The following MYO15A variants were observed in gnomAD, a reference collection of about 807,000 sequenced individuals.
The protein encoded by MYO15A is myosin XVA.
MYO15A carries 308 observed loss-of-function variants against 394.6 expected under a neutral mutation model. The ratio of observed to expected loss-of-function variants is 0.78; its 90% CI spans 0.71 to 0.86. The LOEUF is 0.86. Ranked by LOEUF, MYO15A falls within the 40% of genes least tolerant of loss-of-function variation. The probability of loss-of-function intolerance (pLI) is 0.00; values close to 1 mark genes in which losing one functional copy is unlikely to be tolerated. For missense variants in MYO15A, 4,606 were observed against 4,799.1 expected, an observed-to-expected ratio of 0.96 and a Z score of 1.19; for synonymous variants, 1,957 against 2,003.8, an observed-to-expected ratio of 0.98 and a Z score of 0.62.
rs1423132356 is a variant in MYO15A at position 18,158,509 on chromosome 17, C to T, written c.8968-14C>T. On this transcript the variant is annotated splice_polypyrimidine_tract_variant and intron_variant, in intron 51 of 65. Coordinates refer to ENST00000647165, the MANE Select transcript of MYO15A (RefSeq NM_016239.4). The stretch of plus-strand genomic sequence containing the variant: ...TGGCCGGACTGGGCCTTCCTAGCTC[C>T]GCCTCTTCTGCAGGGTCCCCCAGTC... The T allele has an allele frequency of 1.9e-6, 3 of 1,612,718 alleles. No individual in the cohort carries two copies. The highest frequency in any genetic ancestry group is 1.7e-4 in the Middle Eastern group (1 of 6,060).
At chr17:18,171,888 C>A in intron 63 of MYO15A, 117 bp downstream of exon 63, 1 of 1,455,648 alleles carries the variant, frequency 6.9e-7, no homozygotes, top group South Asian at 1.3e-5. Flanking sequence ...CAGTGCCAGT[C>A]AAGCTGAGCA....
In MYO15A at chr17:18,121,468, C is replaced by T. The variant is rs770024283; in HGVS notation, c.2668C>T (p.Pro890Ser). ...GGCTGTGAAGCCGCAAGTGCGCCTG[C>T]CCTTCCACCGACCGCCCAGGGCCGG... is the stretch of plus-strand genomic sequence containing the variant. Reference protein sequence around the residue: ...TRAVKPQVRLPFHRPPRAGAW... With the variant: ...TRAVKPQVRLSFHRPPRAGAW... Residue 890 changes from proline to serine, a missense_variant, in exon 2 of 66, where the codon CCC becomes TCC. Coordinates refer to ENST00000647165, the MANE Select transcript of MYO15A (RefSeq NM_016239.4). The surrounding 1 kb of genome is among the most constrained non-coding windows in gnomAD (Gnocchi z 5.3). 28 of 1,549,956 alleles carry T rather than the reference C, an allele frequency of 1.8e-5. No individual in the cohort carries two copies. The highest frequency in any genetic ancestry group is 2.7e-5 in the African/African-American group (2 of 73,182).
rs1291532900 is a variant in MYO15A at position 18,121,492 on chromosome 17, G to A, written c.2692G>A (p.Gly898Arg). 2 of 1,551,748 alleles carry A rather than the reference G, an allele frequency of 1.3e-6. No homozygotes were observed. Among genetic ancestry groups the A allele is most frequent in the Non-Finnish European group, 1.7e-6 (2 of 1,148,028 alleles). ...RLPFHRPPRA[G>R]AWRAPLEHRE... ...GCCCTTCCACCGACCGCCCAGGGCC[G>A]GGGCCTGGCGGGCGCCCCTGGAACA... is the stretch of plus-strand genomic sequence containing the variant. The change falls in exon 2 of 66, where the codon GGG becomes AGG. Residue 898 changes from glycine to arginine, a missense_variant. Transcript: ENST00000647165. The surrounding 1 kb of genome is among the most constrained non-coding windows in gnomAD (Gnocchi z 5.3).
intron 1 of MYO15A, among the ~76,000 whole-genome samples, chr17:18,111,028 G>T (rs2045712833): frequency 6.6e-6 from 1 of 152,228 alleles, no homozygotes; most frequent in African/African-American, 2.4e-5. Flanking sequence ...TCTTCTTGTT[G>T]ATGTGACTCT....
chr17:18,154,292 G>A, intron 44 of MYO15A, 102 bp downstream of exon 44: 1 of 1,427,212 alleles, frequency 7.0e-7, no homozygotes, highest in South Asian at 1.2e-5. Context: ...TTGGGATTTG[G>A]GGTCCTTGAC....
Position 18,118,577 on chromosome 17 carries a change from T to C in MYO15A, c.-219-5T>C. On this transcript the variant is annotated splice_polypyrimidine_tract_variant and splice_region_variant and intron_variant, in intron 1 of 65. Coordinates refer to ENST00000647165, the MANE Select transcript of MYO15A (RefSeq NM_016239.4). ...ACACCCACACACTTTCTACTACTGCTCTAGGGTGAAACCCAAGGCGCTCTA... is the reference window on the plus strand; with the variant it reads ...ACACCCACACACTTTCTACTACTGCCCTAGGGTGAAACCCAAGGCGCTCTA... 1.6e-6 allele frequency: 1 copy of C among 621,376 alleles called. No individual in the cohort carries two copies. The highest frequency in any genetic ancestry group is 2.8e-5 in the East Asian group (1 of 35,480). 38.5% of individuals were successfully genotyped at this position (621,376 alleles called of 1,614,324 possible).
chr17:18,149,668 C>G lies in MYO15A; in HGVS notation c.7212+88C>G. 2.2e-6 allele frequency: 3 copies of G among 1,361,418 alleles called. No individual in the cohort carries two copies. The South Asian group carries it at 3.5e-5, about 16-fold the overall frequency. The allele number at this position is 1,361,418 out of a possible 1,614,324, so 84.3% of individuals were successfully genotyped here. ...ACACTTGTACAGGGTGACCTGAGAGCTTCTCACAGCCAGGGTCATGGGGTG... is the reference window on the plus strand; with the variant it reads ...ACACTTGTACAGGGTGACCTGAGAGGTTCTCACAGCCAGGGTCATGGGGTG... On this transcript the variant is annotated intron_variant, in intron 35 of 65. Coordinates refer to ENST00000647165, the MANE Select transcript of MYO15A (RefSeq NM_016239.4).
rs938521892 is a variant in MYO15A at position 18,143,800 on chromosome 17, G to A, written c.6046+4G>A. On this transcript the variant is annotated splice_donor_region_variant and intron_variant, in intron 27 of 65. Coordinates refer to ENST00000647165, the MANE Select transcript of MYO15A (RefSeq NM_016239.4). ...GGGCTCTTGCAAGCAGTGGCAGGTGGGTCAGCACCAGGCGGGGGGAGGGCC... is the reference window on the plus strand; with the variant it reads ...GGGCTCTTGCAAGCAGTGGCAGGTGAGTCAGCACCAGGCGGGGGGAGGGCC... 8 of 1,579,984 alleles carry A rather than the reference G, an allele frequency of 5.1e-6. No individual in the cohort carries two copies. The African/African-American group carries it at 8.1e-5, about 16-fold the overall frequency.
At chr17:18,138,786 C>A in intron 17 of MYO15A, 25 bp from the exon 18 acceptor site, 2 of 1,612,830 alleles carry the variant, frequency 1.2e-6, no homozygotes, top group Non-Finnish European at 1.7e-6. Context: ...TCCTGCCCAC[C>A]CACTGATCCC....
rs757598891 is a variant in MYO15A at position 18,120,942 on chromosome 17, G to A, written c.2142G>A (p.Pro714=). The A allele has an allele frequency of 2.0e-5, 29 of 1,474,588 alleles. No individual in the cohort carries two copies. Among genetic ancestry groups the A allele is most frequent in the Non-Finnish European group, 2.4e-5 (27 of 1,118,720 alleles). The allele number at this position is 1,474,588 out of a possible 1,614,324, so 91.3% of individuals were successfully genotyped here. ...CCCCAGCGCACGTGCCACCGGCGCC[G>A]CAGGCCAGCTGGTGGGCCTTCGTGG... ...WAAPAHVPPA[P]QASWWAFVEP... The change falls in exon 2 of 66, where the codon CCG becomes CCA. Residue 714 remains proline, a synonymous_variant. Coordinates refer to ENST00000647165, the MANE Select transcript of MYO15A (RefSeq NM_016239.4).
chr17:18,131,113 G>T, intron 8 of MYO15A, 126 bp from the exon 9 acceptor site: 1 of 866,298 alleles, frequency 1.2e-6, no homozygotes. Flanking sequence ...GCCCACCTCT[G>T]GTCATCTCTC....
chr17:18,130,855 T>TGTGTGTGTGTGTGC (rs2046146456), intron 8 of MYO15A, 45 bp downstream of exon 8: 1 of 1,547,128 alleles, frequency 6.5e-7, no homozygotes, highest in African/African-American at 1.4e-5. Context: ...TGTGTGTGTG[T>TGTGTGTGTGTGTGC]GTGTGTGTGT....
chr17:18,149,303 T>C lies in MYO15A; in HGVS notation c.7044T>C (p.Asp2348=), dbSNP rs79663370. ...QEHMPKVLDS[D]GYSSHNQDGT... is the part of the protein sequence containing the mutation. The stretch of plus-strand genomic sequence containing the variant: ...ACATGCCCAAAGTACTTGACTCTGA[T>C]GGGTACAGCAGCCACAATCAGGACG... Residue 2348 remains aspartate (D), a synonymous_variant, in exon 34 of 66, where the codon GAT becomes GAC. Transcript: ENST00000647165. The C allele has an allele frequency of 6.2e-7, 1 of 1,613,314 alleles. No individual in the cohort carries two copies. Among genetic ancestry groups the C allele is most frequent in the East Asian group, 2.2e-5 (1 of 44,862 alleles).
At chr17:18,126,572 C>T in intron 5 of MYO15A, 116 bp downstream of exon 5, 2 of 1,106,794 alleles carry the variant, frequency 1.8e-6, no homozygotes, top group Admixed American at 4.1e-5. Flanking sequence ...GGAAAGGCAG[C>T]CCACCTACTC....
At chr17:18,172,795 G>T in intron 64 of MYO15A, 1 of 224,846 alleles carries the variant, frequency 4.4e-6, no homozygotes, top group South Asian at 6.2e-5. Context: ...ATTGGAGTAG[G>T]GCCCATCCTA....
At chr17:18,166,673 CTT>C in intron 61 of MYO15A, 152 bp downstream of exon 61, 1 of 1,131,090 alleles carries the variant, frequency 8.8e-7, no homozygotes, top group Non-Finnish European at 1.3e-6. Context: ...TATGTGGTCT[CTT>C]TGGAGAAATC....
rs2046557312 is a variant in MYO15A at position 18,150,337 on chromosome 17, G to A, written c.7213-92G>A. 2 of 1,157,788 alleles carry A rather than the reference G, an allele frequency of 1.7e-6. No homozygotes were observed. The highest frequency in any genetic ancestry group is 1.5e-5 in the African/African-American group (1 of 65,922). The allele number at this position is 1,157,788 out of a possible 1,614,324, so 71.7% of individuals were successfully genotyped here. Reference sequence around the variant, plus strand: ...GGGAGGCTGCCCCCTCCCACGAGAGGGTGGGGAAGAGGCCAGTGTCAGGTG... The same window carrying A: ...GGGAGGCTGCCCCCTCCCACGAGAGAGTGGGGAAGAGGCCAGTGTCAGGTG... On this transcript the variant is annotated intron_variant, in intron 35 of 65. Coordinates refer to ENST00000647165, the MANE Select transcript of MYO15A (RefSeq NM_016239.4). This position sits in a 1 kb window ranked among gnomAD's most constrained non-coding sequence, Gnocchi z 4.4.
Position 18,126,727 on chromosome 17 carries a change from C to A in MYO15A, c.3867-64C>A, listed in dbSNP as rs1212985284. On this transcript the variant is annotated intron_variant, in intron 5 of 65. Coordinates refer to ENST00000647165, the MANE Select transcript of MYO15A (RefSeq NM_016239.4). ...TTTGGCTGGATACGGATGCTCCCTGCCCAATCCCTGGGAGGTGTGGGAGCT... is the reference window on the plus strand; with the variant it reads ...TTTGGCTGGATACGGATGCTCCCTGACCAATCCCTGGGAGGTGTGGGAGCT... The A allele has an allele frequency of 4.5e-6, 7 of 1,553,580 alleles. No individual in the cohort carries two copies. In the Admixed American group the frequency reaches 1.0e-4, roughly 22 times the overall value.
chr17:18,172,389 C>A (rs1047493588), intron 64 of MYO15A, 99 bp downstream of exon 64: 20 of 1,496,272 alleles, frequency 1.3e-5, no homozygotes, highest in Non-Finnish European at 1.7e-5. Flanking sequence ...AAGCCCAGTT[C>A]CACTGCTTAC....
Sources: allele counts gnomAD v4.1 joint callset (sites outside exome capture counted in the v4.1 genomes callset), GRCh38; gene constraint gnomAD v4.1.1; non-coding constraint Gnocchi (gnomAD v3.1); transcripts MANE v1.5; gene names NCBI Gene and HGNC (gene_info 2026-07-23, HGNC 2026-07-21).